The following TJP1 variants were observed in gnomAD, a reference collection of about 807,000 sequenced individuals.
TJP1 encodes tight junction protein 1, also known as tight junction protein ZO-1.
TJP1 carries 43 observed loss-of-function variants against 194.2 expected under a neutral mutation model. That is an observed-to-expected ratio of 0.22 (90% CI 0.17 to 0.29). The LOEUF is 0.29. TJP1 is among the 10% of genes least tolerant of loss of function. The pLI is 1.00. For synonymous variants in TJP1, 801 were observed against 779.0 expected, an observed-to-expected ratio of 1.03 and a Z score of -0.47; for missense variants, 1,971 against 2,185.7, an observed-to-expected ratio of 0.90 and a Z score of 1.96.
intron 2 of TJP1, among the ~76,000 whole-genome samples, chr15:29,931,278 C>A (rs1394352636): frequency 6.6e-6 from 1 of 152,060 alleles, no homozygotes; most frequent in Admixed American, 6.6e-5. Context: ...AGGGGTTGAT[C>A]CTGCTGTCTC....
At chr15:29,749,176 G>T (rs189785014) in intron 8 of TJP1, among the ~76,000 whole-genome samples, 1 of 150,268 alleles carries the variant, frequency 6.7e-6, no homozygotes, top group Non-Finnish European at 1.5e-5. Flanking sequence ...TAACTTGCAC[G>T]TATTAATCTA....
chr15:29,761,466 T>C (rs982032039), intron 7 of TJP1, 135 bp downstream of exon 7: 2 of 1,311,148 alleles, frequency 1.5e-6, no homozygotes, highest in Non-Finnish European at 2.1e-6. Flanking sequence ...CAGGAAAAAA[T>C]GTATATAAAA....
At chr15:29,760,640 G>A (rs1039604817) in intron 8 of TJP1, among the ~76,000 whole-genome samples, 9 of 152,180 alleles carry the variant, frequency 5.9e-5, no homozygotes, top group Non-Finnish European at 1.2e-4. Context: ...GCCTCCCAAA[G>A]TGCTGGGATT....
In TJP1 at chr15:29,908,809, A is replaced by T. The variant is rs906211196; in HGVS notation, c.306+47423T>A. ...CAAGGTGGGCAGAACACCTGAGGTC[A>T]GGAATTCAAGACCAGCCTGGCCAAC... On this transcript the variant is annotated intron_variant, in intron 2 of 28. Coordinates refer to the TJP1 transcript ENST00000356107. Among the ~76,000 whole-genome samples the T allele has an allele frequency of 7.2e-5, 11 of 152,202 alleles. 1 individual carries two copies. Among genetic ancestry groups the T allele is most frequent in the African/African-American group, 2.6e-4 (11 of 41,540 alleles).
At chr15:29,900,544 G>A (rs1363398984) in intron 2 of TJP1, among the ~76,000 whole-genome samples, 1 of 152,168 alleles carries the variant, frequency 6.6e-6, no homozygotes, top group Non-Finnish European at 1.5e-5. Flanking sequence ...TGCAGCCTCT[G>A]CAGAGTTTGC....
intron 1 of TJP1, among the ~76,000 whole-genome samples, chr15:29,819,480 T>C (rs568448606): frequency 2.0e-5 from 3 of 152,354 alleles, no homozygotes; most frequent in African/African-American, 2.4e-5. Flanking sequence ...GCAATAATAC[T>C]GATGATCATA....
intron 2 of TJP1, among the ~76,000 whole-genome samples, chr15:29,834,587 A>G (rs2050964305): frequency 6.6e-6 from 1 of 152,212 alleles, no homozygotes; most frequent in Non-Finnish European, 1.5e-5. Flanking sequence ...ATCTTTTTGA[A>G]CCATGACTTT....
Position 29,845,842 on chromosome 15 carries a change from A to C in TJP1, c.307-45140T>G, listed in dbSNP as rs143162521. Reference sequence around the variant, plus strand: ...ATTAAATTAAAAAGTTGTACTAATAATCTAACATAGTTTTCACTATTCTAT... The same window carrying C: ...ATTAAATTAAAAAGTTGTACTAATACTCTAACATAGTTTTCACTATTCTAT... On this transcript the variant is annotated intron_variant, in intron 2 of 28. Transcript: ENST00000356107. Among the ~76,000 whole-genome samples the C allele has an allele frequency of 3.7e-3, 563 of 152,264 alleles. 3 individuals carry two copies. The highest frequency in any genetic ancestry group is 0.013 in the African/African-American group (528 of 41,536).
intron 2 of TJP1, among the ~76,000 whole-genome samples, chr15:29,949,315 TTTCACCACCACTACCTCCAC>T (rs2055441045): frequency 3.3e-4 from 6 of 18,456 alleles, no homozygotes; most frequent in South Asian, 2.5e-3. Context: ...CCACCTCCAC[TTTCACCACCACTACCTCCAC>T]CACCTCCACC....
intron 2 of TJP1, among the ~76,000 whole-genome samples, chr15:29,943,575 T>C (rs9796685): frequency 0.19 from 24,847 of 131,858 alleles, 2,277 homozygotes; most frequent in Middle Eastern, 0.36. Context: ...TGCAGTGAGC[T>C]GAGATTGTGC....
chr15:29,847,125 C>T (rs563469343), intron 2 of TJP1, among the ~76,000 whole-genome samples: 33 of 151,984 alleles, frequency 2.2e-4, no homozygotes, highest in Middle Eastern at 6.8e-3. Context: ...TTTTTTGAGA[C>T]GGGGTCTTGC....
intron 2 of TJP1, among the ~76,000 whole-genome samples, chr15:29,876,590 T>C (rs1567157421): frequency 6.6e-6 from 1 of 152,196 alleles, no homozygotes; most frequent in Non-Finnish European, 1.5e-5. Context: ...TGTTAGTGTA[T>C]TTTATGTGTG....
Position 29,719,931 on chromosome 15 carries a change from T to C in TJP1, c.2849A>G (p.Asn950Ser). The C allele has an allele frequency of 1.2e-6, 2 of 1,614,116 alleles. No homozygotes were observed. Among genetic ancestry groups the C allele is most frequent in the Middle Eastern group, 1.6e-4 (1 of 6,062 alleles). The change falls in exon 20 of 28, where the codon AAT (asparagine) becomes AGT (serine). Residue 950 changes from asparagine (N) to serine (S), a missense_variant. By Grantham distance (46) the Asn-to-Ser change is conservative. This residue lies in a region of TJP1 where 1,108 missense variants were observed against 1,128.5 expected (regional missense o/e 0.98). Coordinates refer to ENST00000614355, the MANE Select transcript of TJP1 (RefSeq NM_001330239.4). ...CTCCTCCAGTCTGACATTAGTTAAATTTACATTATGATTAACAGCAGAGGT... is the reference window on the plus strand; with the variant it reads ...CTCCTCCAGTCTGACATTAGTTAAACTTACATTATGATTAACAGCAGAGGT... ...SSTSAVNHNVNLTNVRLEEPT... is the reference protein window; with the variant it reads ...SSTSAVNHNVSLTNVRLEEPT...
chr15:29,879,393 C>A (rs2052841609), intron 2 of TJP1, among the ~76,000 whole-genome samples: 1 of 152,210 alleles, frequency 6.6e-6, no homozygotes, highest in Non-Finnish European at 1.5e-5. Flanking sequence ...CCTATCCCTC[C>A]AGCTGCCTCC....
intron 2 of TJP1, among the ~76,000 whole-genome samples, chr15:29,880,814 A>G (rs888680330): frequency 3.9e-5 from 6 of 152,210 alleles, no homozygotes; most frequent in African/African-American, 1.4e-4. Flanking sequence ...TTGTACGTAT[A>G]TATCACATTT....
chr15:29,847,567 C>T (rs1245926711), intron 2 of TJP1, among the ~76,000 whole-genome samples: 3 of 152,028 alleles, frequency 2.0e-5, no homozygotes, highest in East Asian at 1.9e-4. Flanking sequence ...GGGCGGATCA[C>T]GAGGTCAGGA....
intron 1 of TJP1, chr15:29,968,428 G>T (rs868366799): frequency 2.0e-6 from 2 of 983,346 alleles, no homozygotes; most frequent in Non-Finnish European, 1.2e-6. Context: ...CGCGCCGCGG[G>T]CACAGCGAGG....
chr15:29,719,160 A>T (rs1363069748), intron 20 of TJP1, 22 bp from the exon 21 acceptor site: 1 of 1,551,950 alleles, frequency 6.4e-7, no homozygotes, highest in Non-Finnish European at 8.7e-7. Flanking sequence ...ATTCACATTT[A>T]AGGACAAAGT....
At chr15:29,741,634 T>C (rs1445173369) in intron 9 of TJP1, among the ~76,000 whole-genome samples, 198 bp from the exon 10 acceptor site, 1 of 152,202 alleles carries the variant, frequency 6.6e-6, no homozygotes, top group East Asian at 1.9e-4. Context: ...ACCTGTGTTT[T>C]CCATAGTTCC....
Sources: allele counts gnomAD v4.1 joint callset (sites outside exome capture counted in the v4.1 genomes callset), GRCh38; gene constraint gnomAD v4.1.1; regional missense constraint gnomAD v4.1.1; transcripts MANE v1.5; gene names NCBI Gene and HGNC (gene_info 2026-07-23, HGNC 2026-07-21).